The following ASCC3 variants were observed in gnomAD, a reference collection of about 807,000 sequenced individuals.
The protein encoded by ASCC3 is activating signal cointegrator 1 complex subunit 3.
ASCC3 carries 158 observed loss-of-function variants against 256.3 expected under a neutral mutation model. That is an observed-to-expected ratio of 0.62 (90% confidence interval 0.54 to 0.70). ASCC3 has a LOEUF of 0.70. Ranked by LOEUF, ASCC3 falls within the 30% of genes least tolerant of loss-of-function variation. The probability of loss-of-function intolerance (pLI) is 0.00; values close to 1 mark genes in which losing one functional copy is unlikely to be tolerated. For missense variants in ASCC3, 2,259 were observed against 2,626.0 expected (o/e 0.86, Z 3.05); for synonymous variants, 948 against 883.4 (o/e 1.07, Z -1.30).
Position 100,848,691 on chromosome 6 carries a change from C to T in ASCC3, c.258G>A (p.Gly86=). 1 of 1,612,532 alleles carries T rather than the reference C, an allele frequency of 6.2e-7. No individual in the cohort carries two copies. The highest frequency in any genetic ancestry group is 1.7e-4 in the Middle Eastern group (1 of 6,058). Residue 86 remains glycine, a synonymous_variant, in exon 4 of 42, where the codon GGG becomes GGA. Transcript: ENST00000369162. ...CAGCCCCACTTTCAATTGCTTCTCT[C>T]CCATTATCAGTTCCAACTATTCAAA... The part of the protein sequence containing the change: ...AAKQIVGTDN[G]REAIESGAAF...
intron 8 of ASCC3, among the ~76,000 whole-genome samples, chr6:100,787,845 A>G (rs1377119141): frequency 6.6e-6 from 1 of 152,084 alleles, no homozygotes; most frequent in East Asian, 1.9e-4. Context: ...AATGGATTAT[A>G]TACCTAAATG....
chr6:100,626,804 C>T (rs537599566), intron 29 of ASCC3, among the ~76,000 whole-genome samples: 3 of 152,182 alleles, frequency 2.0e-5, no homozygotes. Context: ...GATCTCTTGT[C>T]TTTCTTTAAA....
intron 37 of ASCC3, among the ~76,000 whole-genome samples, chr6:100,531,410 T>C (rs933183001): frequency 2.0e-5 from 3 of 152,160 alleles, no homozygotes; most frequent in South Asian, 2.1e-4. Context: ...CAGAAAACAG[T>C]TGGCATAAGA....
At chr6:100,705,302 A>C (rs569959385) in intron 13 of ASCC3, among the ~76,000 whole-genome samples, 1 of 152,180 alleles carries the variant, frequency 6.6e-6, no homozygotes, top group South Asian at 2.1e-4. Context: ...ACGAGCACGC[A>C]AGTTTAGATC....
chr6:100,552,965 A>G (rs1183029837), intron 36 of ASCC3, among the ~76,000 whole-genome samples: 1 of 152,054 alleles, frequency 6.6e-6, no homozygotes, highest in Non-Finnish European at 1.5e-5. Context: ...ACTGAAGACA[A>G]CTGCTATTTA....
chr6:100,691,087 G>C (rs1418205946), intron 13 of ASCC3, among the ~76,000 whole-genome samples: 1 of 151,934 alleles, frequency 6.6e-6, no homozygotes, highest in African/African-American at 2.4e-5. Context: ...GTATTAAAAA[G>C]TATAATTTAA....
chr6:100,831,894 G>C (rs1197208302), intron 4 of ASCC3, among the ~76,000 whole-genome samples: 1 of 151,868 alleles, frequency 6.6e-6, no homozygotes, highest in Non-Finnish European at 1.5e-5. Flanking sequence ...AAAAGTTAAA[G>C]AAGAACTGGT....
chr6:100,568,358 A>G (rs1770379158), intron 36 of ASCC3, among the ~76,000 whole-genome samples: 1 of 146,122 alleles, frequency 6.8e-6, no homozygotes, highest in African/African-American at 2.6e-5. Flanking sequence ...ACAAAGTGAG[A>G]CTCTTGTCTG....
chr6:100,739,883 G>C (rs1017718727), intron 10 of ASCC3, among the ~76,000 whole-genome samples: 1 of 151,966 alleles, frequency 6.6e-6, no homozygotes, highest in Non-Finnish European at 1.5e-5. Flanking sequence ...TAAAAAAACA[G>C]CTCCTGGATT....
At chr6:100,521,701 G>A (rs1229876475) in intron 37 of ASCC3, among the ~76,000 whole-genome samples, 2 of 152,210 alleles carry the variant, frequency 1.3e-5, no homozygotes, top group Non-Finnish European at 2.9e-5. Context: ...CCAAACTGGA[G>A]GATGTGGGCC....
At chr6:100,786,929 A>G (rs910107271) in intron 8 of ASCC3, among the ~76,000 whole-genome samples, 4 of 152,160 alleles carry the variant, frequency 2.6e-5, no homozygotes, top group Non-Finnish European at 5.9e-5. Flanking sequence ...TTAAAAATGG[A>G]ATTTAAATCT....
At position 100,798,795 on chromosome 6, in the gene ASCC3, TA is replaced by T. The variant is rs1769761409; in HGVS notation, c.1312del (p.Tyr438MetfsTer4). 6.2e-7 allele frequency: 1 copy of T among 1,612,864 alleles called. No individual in the cohort carries two copies. Among genetic ancestry groups the T allele is most frequent in the African/African-American group, 1.3e-5 (1 of 74,882 alleles). ...GCTGTAGGGAATCCTTACTTCTTCA[TA>T]AAGCTTGTTATTCTCTCTTTGGATT... is the stretch of plus-strand genomic sequence containing the variant. ...EGIQRENNKL[Y>X]EEVRIPYSEP... is the part of the protein sequence containing the mutation. On this transcript the variant is annotated frameshift_variant, in exon 8 of 42. Coordinates refer to ENST00000369162, the MANE Select transcript of ASCC3 (RefSeq NM_006828.4). LOFTEE classifies it high-confidence loss of function.
intron 1 of ASCC3, among the ~76,000 whole-genome samples, chr6:100,874,264 G>C (rs1003589182): frequency 1.3e-5 from 2 of 151,916 alleles, no homozygotes; most frequent in African/African-American, 4.8e-5. Context: ...TCAAGAGATT[G>C]AGACCATCCT....
chr6:100,635,761 G>A (rs1774810890), intron 25 of ASCC3, among the ~76,000 whole-genome samples: 1 of 151,786 alleles, frequency 6.6e-6, no homozygotes, highest in Admixed American at 6.6e-5. Flanking sequence ...CTTCAAGAAA[G>A]CTTTAAAGCA....
chr6:100,659,260 C>T (rs2114926967), intron 16 of ASCC3, among the ~76,000 whole-genome samples: 1 of 151,462 alleles, frequency 6.6e-6, no homozygotes, highest in East Asian at 1.9e-4. Flanking sequence ...AATTCATTAC[C>T]TAAAGAACAC....
chr6:100,691,925 T>C (rs76486678), intron 13 of ASCC3, among the ~76,000 whole-genome samples: 2,338 of 151,842 alleles, frequency 0.015, 23 homozygotes, highest in East Asian at 0.044. Context: ...AAGATGGAGA[T>C]AACAGTACCT....
At chr6:100,854,154 CTTT>C (rs76423006) in intron 3 of ASCC3, among the ~76,000 whole-genome samples, 3 of 136,404 alleles carry the variant, frequency 2.2e-5, no homozygotes, top group Admixed American at 7.4e-5. Context: ...AAGCCAGGTA[CTTT>C]TTTTTTTTTT....
At chr6:100,735,467 T>A (rs1205716794) in intron 10 of ASCC3, among the ~76,000 whole-genome samples, 1 of 118,456 alleles carries the variant, frequency 8.4e-6, no homozygotes, top group Non-Finnish European at 1.9e-5. Context: ...TTTTTTTTTT[T>A]TTGAAACTTT....
At chr6:100,521,907 G>A (rs1318674603) in intron 37 of ASCC3, among the ~76,000 whole-genome samples, 1 of 152,150 alleles carries the variant, frequency 6.6e-6, no homozygotes, top group Non-Finnish European at 1.5e-5. Flanking sequence ...TGGCAGATAA[G>A]GACTAATAGG....
Sources: allele counts gnomAD v4.1 joint callset (sites outside exome capture counted in the v4.1 genomes callset), GRCh38; gene constraint gnomAD v4.1.1; transcripts MANE v1.5; gene names NCBI Gene and HGNC (gene_info 2026-07-23, HGNC 2026-07-21).